The following HIVEP3 variants were observed in gnomAD, a reference collection of about 807,000 sequenced individuals.
HIVEP3 encodes HIVEP zinc finger 3.
In HIVEP3, 49 loss-of-function variants were observed where a neutral mutation model predicts 152.8. The observed-to-expected ratio is 0.32, with a 90% CI of 0.26 to 0.41. The LOEUF is 0.41. Ranked by LOEUF, HIVEP3 falls within the 10% of genes least tolerant of loss-of-function variation. The pLI is 1.00. For synonymous variants in HIVEP3, 1,269 were observed against 1,289.0 expected (o/e 0.98, Z 0.33); for missense variants, 2,790 against 3,103.3 (o/e 0.90, Z 2.40).
At chr1:41,742,010 C>A (rs1481453597) in intron 1 of HIVEP3, among the ~76,000 whole-genome samples, 1 of 152,182 alleles carries the variant, frequency 6.6e-6, no homozygotes, top group Non-Finnish European at 1.5e-5. Flanking sequence ...TGATTTGTGG[C>A]AAGATAATGC....
intron 6 of HIVEP3, among the ~76,000 whole-genome samples, chr1:41,522,472 T>G (rs1003404523): frequency 2.0e-5 from 3 of 152,202 alleles, no homozygotes; most frequent in African/African-American, 7.2e-5. Flanking sequence ...GGGCACTGCT[T>G]GATCACTGGT....
chr1:41,631,592 G>GC (rs1355218714), intron 2 of HIVEP3, among the ~76,000 whole-genome samples: 4 of 151,972 alleles, frequency 2.6e-5, no homozygotes, highest in African/African-American at 9.7e-5. Flanking sequence ...GGTCACCGAT[G>GC]CCCCCCTGCT....
intron 1 of HIVEP3, among the ~76,000 whole-genome samples, chr1:41,750,134 G>A (rs1647136988): frequency 6.6e-6 from 1 of 152,150 alleles, no homozygotes; most frequent in Non-Finnish European, 1.5e-5. Context: ...CCTTAAGCAC[G>A]TTGCCTAAAA....
At chr1:41,952,422 G>GTTCATTCATTCATTCA (rs142386133) in intron 1 of HIVEP3, among the ~76,000 whole-genome samples, 22 of 151,100 alleles carry the variant, frequency 1.5e-4, no homozygotes, top group East Asian at 1.4e-3. Context: ...ATTTTCTTTT[G>GTTCATTCATTCATTCA]TTCATTCATT....
At chr1:42,026,440 T>C (rs1480198997) in intron 1 of HIVEP3, among the ~76,000 whole-genome samples, 3 of 152,208 alleles carry the variant, frequency 2.0e-5, no homozygotes, top group Non-Finnish European at 2.9e-5. Flanking sequence ...AAATCTAAAA[T>C]TTTTTCAATT....
chr1:41,657,265 G>A (rs1368840512), intron 2 of HIVEP3, among the ~76,000 whole-genome samples: 1 of 152,212 alleles, frequency 6.6e-6, no homozygotes, highest in South Asian at 2.1e-4. Context: ...TGATGCAGGT[G>A]AGCACAAGCC....
At chr1:41,787,221 A>G (rs1347550224) in intron 1 of HIVEP3, among the ~76,000 whole-genome samples, 1 of 152,244 alleles carries the variant, frequency 6.6e-6, no homozygotes, top group Non-Finnish European at 1.5e-5. Context: ...TGATGCATGC[A>G]CTACGCCGCA....
At chr1:41,782,780 A>C (rs1208563294) in intron 1 of HIVEP3, among the ~76,000 whole-genome samples, 2 of 152,006 alleles carry the variant, frequency 1.3e-5, no homozygotes, top group African/African-American at 4.8e-5. Context: ...GCATACCACA[A>C]TTTTACAAAA....
chr1:41,569,222 G>T (rs916604793), intron 5 of HIVEP3, among the ~76,000 whole-genome samples: 2 of 152,276 alleles, frequency 1.3e-5, no homozygotes, highest in Non-Finnish European at 2.9e-5. Context: ...AGCAATGCAA[G>T]AACTGACTAC....
chr1:41,655,758 T>C (rs904594046), intron 2 of HIVEP3, among the ~76,000 whole-genome samples: 5 of 152,038 alleles, frequency 3.3e-5, no homozygotes, highest in African/African-American at 1.2e-4. Flanking sequence ...CTCCCTCCAC[T>C]AGTTTATGAG....
intron 5 of HIVEP3, among the ~76,000 whole-genome samples, chr1:41,540,452 G>C (rs1048953157): frequency 6.6e-6 from 1 of 152,172 alleles, no homozygotes; most frequent in Non-Finnish European, 1.5e-5. Flanking sequence ...GATTAAACCT[G>C]AAGAACACTG....
In HIVEP3 at chr1:41,662,915, G is replaced by T. The variant is rs937938287; in HGVS notation, c.-720-33968C>A. On this transcript the variant is annotated intron_variant, in intron 2 of 8. Transcript: ENST00000372583. The surrounding 1 kb of genome is among the most constrained non-coding windows in gnomAD (Gnocchi z 7.2). Reference sequence around the variant, plus strand: ...GTGCCAGCCGGGCTCCGGGAAGCCCGCGCCTCCCCAGGCGGGAATCCGCTT... The same window carrying T: ...GTGCCAGCCGGGCTCCGGGAAGCCCTCGCCTCCCCAGGCGGGAATCCGCTT... Among the ~76,000 whole-genome samples the T allele has an allele frequency of 2.6e-5, 4 of 152,152 alleles. No individual in the cohort carries two copies. The highest frequency in any genetic ancestry group is 2.0e-4 in the Admixed American group (3 of 15,286).
At chr1:41,524,157 G>A (rs1022498112) in intron 6 of HIVEP3, among the ~76,000 whole-genome samples, 1 of 152,178 alleles carries the variant, frequency 6.6e-6, no homozygotes, top group Non-Finnish European at 1.5e-5. Context: ...TGGGGCAGGG[G>A]TGACAGGGCT....
At chr1:41,675,877 C>T (rs762046426) in intron 2 of HIVEP3, among the ~76,000 whole-genome samples, 1 of 152,138 alleles carries the variant, frequency 6.6e-6, no homozygotes, top group African/African-American at 2.4e-5. Flanking sequence ...GATTGCGGCT[C>T]CAGGGTGTGT....
chr1:41,649,145 T>C (rs143321014), intron 2 of HIVEP3, among the ~76,000 whole-genome samples: 24 of 152,298 alleles, frequency 1.6e-4, no homozygotes, highest in African/African-American at 5.5e-4. Context: ...TCAAGTAGAG[T>C]CCCAGTTCTG....
chr1:41,583,271 C>T lies in HIVEP3; in HGVS notation c.1527G>A (p.Leu509=). Residue 509 remains leucine (L), a synonymous_variant, in exon 4 of 9, where the codon CTG becomes CTA. Coordinates refer to ENST00000372583, the MANE Select transcript of HIVEP3 (RefSeq NM_024503.5). The surrounding 1 kb of genome is among the most constrained non-coding windows in gnomAD (Gnocchi z 6.9). ...SPKSSLYREP[L]SSHSEKTKPE... ...GCTTGGTTTTCTCACTGTGGGATGA[C>T]AGGGGCTCCCGGTAGAGGCTGGATT... 8.1e-6 allele frequency: 13 copies of T among 1,613,392 alleles called. No individual in the cohort carries two copies. Among genetic ancestry groups the T allele is most frequent in the Non-Finnish European group, 1.0e-5 (12 of 1,179,814 alleles).
intron 1 of HIVEP3, among the ~76,000 whole-genome samples, chr1:41,710,934 C>T (rs1646504230): frequency 6.6e-6 from 1 of 152,270 alleles, no homozygotes. Flanking sequence ...ACCATCGCTA[C>T]TCTCACTTTA....
At chr1:41,676,891 G>C (rs1645965509) in intron 2 of HIVEP3, among the ~76,000 whole-genome samples, 1 of 152,200 alleles carries the variant, frequency 6.6e-6, no homozygotes, top group Admixed American at 6.5e-5. Context: ...TGGGAGGAAA[G>C]TCCACTTTTC....
At chr1:41,552,808 T>C (rs1302379522) in intron 5 of HIVEP3, among the ~76,000 whole-genome samples, 3 of 152,214 alleles carry the variant, frequency 2.0e-5, no homozygotes, top group Non-Finnish European at 4.4e-5. Flanking sequence ...ATGGCAATCA[T>C]TGAGTGAGTT....
Sources: gnomAD v4.1 joint callset for allele counts (sites outside exome capture counted in the v4.1 genomes callset) on GRCh38, gnomAD v4.1.1 for gene constraint, Gnocchi (gnomAD v3.1) non-coding constraint, MANE v1.5 for transcripts, NCBI Gene and HGNC (gene_info 2026-07-23, HGNC 2026-07-21) for gene names.